Variants in PPP2R2B observed in about 807,000 individuals in gnomAD.
The protein encoded by PPP2R2B is protein phosphatase 2 regulatory subunit Bbeta.
In PPP2R2B, 5 loss-of-function variants were observed where a neutral mutation model predicts 46.0. The ratio of observed to expected loss-of-function variants is 0.11; its 90% CI spans 0.06 to 0.23. The LOEUF (loss-of-function observed/expected upper bound fraction) is 0.23. Ranked by LOEUF, PPP2R2B falls within the 10% of genes least tolerant of loss-of-function variation. PPP2R2B has a pLI of 1.00. For synonymous variants in PPP2R2B, 215 were observed against 206.7 expected (o/e 1.04, Z -0.34); for missense variants, 367 against 575.0 (o/e 0.64, Z 3.70).
chr5:146,909,791 G>A (rs554108560), intron 1 of PPP2R2B, among the ~76,000 whole-genome samples: 14 of 152,200 alleles, frequency 9.2e-5, no homozygotes, highest in Middle Eastern at 3.4e-3. Flanking sequence ...CCCAAGCTCT[G>A]GTTTCTAGGT....
At chr5:147,071,712 G>A (rs1222538992) in intron 2 of PPP2R2B, among the ~76,000 whole-genome samples, 1 of 152,086 alleles carries the variant, frequency 6.6e-6, no homozygotes, top group Non-Finnish European at 1.5e-5. Context: ...CTATTTAAAA[G>A]AGAACACCAT....
chr5:147,072,864 A>G (rs938832696), intron 2 of PPP2R2B, among the ~76,000 whole-genome samples: 1 of 152,236 alleles, frequency 6.6e-6, no homozygotes, highest in African/African-American at 2.4e-5. Flanking sequence ...TGTACCCAGA[A>G]GTCCTAGCTA....
Position 146,589,648 on chromosome 5 carries a change from C to T in PPP2R2B, c.*299G>A, listed in dbSNP as rs529647600. The stretch of plus-strand genomic sequence containing the variant: ...GCAGCAGACACCTAGGAACAAAACA[C>T]TGGACCCACCAGAGAAAACTGGGCA... On this transcript the variant is annotated 3_prime_UTR_variant, in exon 10 of 10. Coordinates refer to ENST00000394411, the MANE Select transcript of PPP2R2B (RefSeq NM_181675.4). 2.9e-6 allele frequency: 1 copy of T among 347,084 alleles called. No homozygotes were observed. The highest frequency in any genetic ancestry group is 5.7e-5 in the East Asian group (1 of 17,638). 21.5% of individuals were successfully genotyped at this position (347,084 alleles called of 1,614,324 possible).
chr5:146,799,747 C>T (rs1024193687), intron 2 of PPP2R2B, among the ~76,000 whole-genome samples: 2 of 152,226 alleles, frequency 1.3e-5, no homozygotes, highest in Non-Finnish European at 2.9e-5. Flanking sequence ...CATATTTTAA[C>T]AGATGTTCTG....
intron 2 of PPP2R2B, among the ~76,000 whole-genome samples, chr5:146,790,191 T>C (rs1174329593): frequency 6.6e-6 from 1 of 152,186 alleles, no homozygotes; most frequent in African/African-American, 2.4e-5. Flanking sequence ...AGTGGGTCAC[T>C]GGTTTTCCTG....
At chr5:146,859,367 G>A (rs927874940) in intron 2 of PPP2R2B, among the ~76,000 whole-genome samples, 1 of 152,158 alleles carries the variant, frequency 6.6e-6, no homozygotes, top group Non-Finnish European at 1.5e-5. Flanking sequence ...GTATCAACCT[G>A]TTTGGAGAAG....
chr5:146,677,691 C>T (rs147371388), intron 5 of PPP2R2B, among the ~76,000 whole-genome samples: 22 of 152,022 alleles, frequency 1.4e-4, no homozygotes, highest in East Asian at 1.2e-3. Flanking sequence ...CCATGCCTGG[C>T]TAACTATTGT....
intron 4 of PPP2R2B, among the ~76,000 whole-genome samples, chr5:146,694,786 A>G (rs1779077521): frequency 6.6e-6 from 1 of 150,980 alleles, no homozygotes; most frequent in South Asian, 2.2e-4. Context: ...GATACCTATT[A>G]TACAAATTTT....
At chr5:146,863,871 G>A (rs1292482908) in intron 2 of PPP2R2B, among the ~76,000 whole-genome samples, 1 of 152,126 alleles carries the variant, frequency 6.6e-6, no homozygotes, top group Non-Finnish European at 1.5e-5. Context: ...ACTCCCAACT[G>A]TAACCCCCAA....
chr5:146,656,235 A>G (rs1019187748), intron 5 of PPP2R2B, among the ~76,000 whole-genome samples: 3 of 151,912 alleles, frequency 2.0e-5, no homozygotes, highest in Non-Finnish European at 4.4e-5. Context: ...TCTCTGAGGG[A>G]GTGGGGTATG....
intron 7 of PPP2R2B, among the ~76,000 whole-genome samples, chr5:146,604,035 G>A (rs532371625): frequency 1.9e-4 from 29 of 152,196 alleles, no homozygotes; most frequent in African/African-American, 6.5e-4. Flanking sequence ...AAAGTATTTC[G>A]ATACGTGCCA....
chr5:147,041,819 T>C (rs1474520046), intron 1 of PPP2R2B, among the ~76,000 whole-genome samples: 1 of 152,100 alleles, frequency 6.6e-6, no homozygotes, highest in Non-Finnish European at 1.5e-5. Flanking sequence ...CAAAGCTTTG[T>C]TGATGACAGT....
At chr5:146,959,325 C>A (rs2017562) in intron 1 of PPP2R2B, among the ~76,000 whole-genome samples, 78,341 of 151,742 alleles carry the variant, frequency 0.52, 21,945 homozygotes, top group Non-Finnish European at 0.64. Flanking sequence ...GGACTGGGGA[C>A]TCTAAGGGGA....
At chr5:147,053,864 T>G (rs1756948506) in intron 1 of PPP2R2B, among the ~76,000 whole-genome samples, 1 of 152,246 alleles carries the variant, frequency 6.6e-6, no homozygotes, top group South Asian at 2.1e-4. Context: ...CTGGCACTGC[T>G]TTCTTGGTAC....
intron 1 of PPP2R2B, among the ~76,000 whole-genome samples, chr5:146,975,186 G>A (rs1752844760): frequency 6.6e-6 from 1 of 152,070 alleles, no homozygotes; most frequent in Non-Finnish European, 1.5e-5. Flanking sequence ...CCAGCCCCTG[G>A]TGAGCACTAC....
chr5:146,666,443 C>T (rs761431157), intron 5 of PPP2R2B, among the ~76,000 whole-genome samples: 2 of 152,198 alleles, frequency 1.3e-5, no homozygotes, highest in African/African-American at 4.8e-5. Context: ...TTTGTCAGGG[C>T]AGGATTCTTA....
rs114456526 is a variant in PPP2R2B, at chr5:147,038,807, G to A, written c.79+16858C>T. Among the ~76,000 whole-genome samples the A allele has an allele frequency of 5.7e-3, 869 of 152,230 alleles. 9 individuals carry two copies. The highest frequency in any genetic ancestry group is 0.02 in the African/African-American group (825 of 41,526). On this transcript the variant is annotated intron_variant, in intron 1 of 8. Coordinates refer to the PPP2R2B transcript ENST00000336640. Reference sequence around the variant, plus strand: ...TTAGCTAGTAGGTAGAAAAATCCAGGATTGAACCCAGGTGGTCTGATCTAG... The same window carrying A: ...TTAGCTAGTAGGTAGAAAAATCCAGAATTGAACCCAGGTGGTCTGATCTAG...
At chr5:146,616,126 A>T (rs543598904) in intron 7 of PPP2R2B, among the ~76,000 whole-genome samples, 1 of 152,342 alleles carries the variant, frequency 6.6e-6, no homozygotes, top group South Asian at 2.1e-4. Flanking sequence ...AAGAACATAC[A>T]CTGGGGGAAA....
At chr5:146,665,021 GC>G (rs2151112946) in intron 5 of PPP2R2B, among the ~76,000 whole-genome samples, 1 of 152,264 alleles carries the variant, frequency 6.6e-6, no homozygotes, top group East Asian at 1.9e-4. Context: ...CTCTATTCAG[GC>G]TTTGCTGTTC....
Sources: allele counts gnomAD v4.1 joint callset (sites outside exome capture counted in the v4.1 genomes callset), GRCh38; gene constraint gnomAD v4.1.1; transcripts MANE v1.5; gene names NCBI Gene and HGNC (gene_info 2026-07-23, HGNC 2026-07-21).